Variants in ZFHX3 observed in about 807,000 individuals in gnomAD.
The protein encoded by ZFHX3 is zinc finger homeobox protein 3.
Under a neutral mutation model 279.1 loss-of-function variants are expected in ZFHX3, and 42 were observed. The observed-to-expected ratio is 0.15, with a 90% CI of 0.12 to 0.19. The LOEUF (loss-of-function observed/expected upper bound fraction) is 0.19. Ranked by LOEUF, ZFHX3 falls within the 10% of genes least tolerant of loss-of-function variation. ZFHX3 has a pLI of 1.00. For synonymous variants in ZFHX3, 2,293 were observed against 1,957.8 expected (o/e 1.17, Z -4.52); for missense variants, 4,981 against 4,754.0 (o/e 1.05, Z -1.40).
intron 8 of ZFHX3, among the ~76,000 whole-genome samples, chr16:73,083,029 A>T (rs1597150695): frequency 6.1e-5 from 1 of 16,304 alleles, no homozygotes; most frequent in Admixed American, 1.8e-3. Context: ...ACTAAAAAAA[A>T]AAAAAAAAAA....
chr16:73,165,905 T>C (rs189729739), intron 5 of ZFHX3, among the ~76,000 whole-genome samples: 51 of 152,300 alleles, frequency 3.3e-4, no homozygotes, highest in Middle Eastern at 6.8e-3. Context: ...GGGGATAATA[T>C]AGAAGAGCAC....
At chr16:73,269,195 T>C (rs2014072380) in intron 4 of ZFHX3, among the ~76,000 whole-genome samples, 1 of 152,166 alleles carries the variant, frequency 6.6e-6, no homozygotes, top group South Asian at 2.1e-4. Flanking sequence ...TTCAGGAAAA[T>C]TCTCCCCTTT....
chr16:73,457,049 G>A (rs1251346455), intron 2 of ZFHX3, among the ~76,000 whole-genome samples: 2 of 152,202 alleles, frequency 1.3e-5, no homozygotes, highest in African/African-American at 4.8e-5. Context: ...GGTTAGAAAT[G>A]GAGGTAAAAC....
chr16:73,546,929 C>T (rs766045462), intron 2 of ZFHX3, among the ~76,000 whole-genome samples: 17 of 151,894 alleles, frequency 1.1e-4, no homozygotes, highest in African/African-American at 3.9e-4. Flanking sequence ...TCATTTCAGG[C>T]CCCTCCGACC....
At chr16:73,317,059 G>A (rs1000505762) in intron 4 of ZFHX3, among the ~76,000 whole-genome samples, 1 of 152,098 alleles carries the variant, frequency 6.6e-6, no homozygotes, top group African/African-American at 2.4e-5. Context: ...AGATGGGCAG[G>A]TCTAGGGTGA....
In ZFHX3 at chr16:73,643,763, T is replaced by G. The variant is rs563663596; in HGVS notation, c.-1547+36417A>C. 3.9e-5 allele frequency among the ~76,000 whole-genome samples: 6 copies of G among 152,316 alleles called. No individual in the cohort carries two copies. The East Asian group carries it at 1.2e-3, about 29-fold the overall frequency. On this transcript the variant is annotated intron_variant, in intron 2 of 17. Transcript: ENST00000641206. ...AGTCTTTTCTCCCCACCGTATCTCTTCAGCACCTCTTTTCTCTGTAGTCCT... is the reference window on the plus strand; with the variant it reads ...AGTCTTTTCTCCCCACCGTATCTCTGCAGCACCTCTTTTCTCTGTAGTCCT...
At chr16:73,350,032 G>A (rs2016209563) in intron 3 of ZFHX3, among the ~76,000 whole-genome samples, 2 of 151,446 alleles carry the variant, frequency 1.3e-5, no homozygotes, top group African/African-American at 4.9e-5. Context: ...TGGCAAGGCA[G>A]AAGCCTTTTT....
At chr16:73,862,474 G>A (rs1375017991) in intron 1 of ZFHX3, among the ~76,000 whole-genome samples, 1 of 152,162 alleles carries the variant, frequency 6.6e-6, no homozygotes, top group Non-Finnish European at 1.5e-5. Flanking sequence ...GACCAAAGAA[G>A]TATAGAAAGA....
chr16:72,843,648 A>T (rs2037405544), intron 4 of ZFHX3, among the ~76,000 whole-genome samples: 1 of 151,876 alleles, frequency 6.6e-6, no homozygotes, highest in African/African-American at 2.4e-5. Flanking sequence ...AACAAGACAG[A>T]AGCCATGGGC....
At chr16:73,470,194 C>A (rs750123339) in intron 2 of ZFHX3, among the ~76,000 whole-genome samples, 2 of 152,180 alleles carry the variant, frequency 1.3e-5, no homozygotes, top group African/African-American at 4.8e-5. Flanking sequence ...GCGAGTTTGA[C>A]GCTTTCATTT....
chr16:73,412,298 C>T (rs921219399), intron 3 of ZFHX3, among the ~76,000 whole-genome samples: 2 of 149,780 alleles, frequency 1.3e-5, no homozygotes, highest in African/African-American at 5.0e-5. Flanking sequence ...CGGCACTCCA[C>T]CCTGGGCAAC....
intron 4 of ZFHX3, among the ~76,000 whole-genome samples, chr16:72,858,251 T>C (rs1014421805): frequency 7.2e-5 from 11 of 152,216 alleles, no homozygotes; most frequent in Non-Finnish European, 1.6e-4. Flanking sequence ...TTATGACTTA[T>C]TTATTTATTT....
intron 2 of ZFHX3, among the ~76,000 whole-genome samples, chr16:73,651,020 TAAG>T (rs919168111): frequency 1.3e-5 from 2 of 151,908 alleles, no homozygotes; most frequent in African/African-American, 2.4e-5. Context: ...ATAAACAAAA[TAAG>T]AATAAAAATT....
At chr16:73,846,856 A>G (rs528696816) in intron 1 of ZFHX3, among the ~76,000 whole-genome samples, 122 of 152,300 alleles carry the variant, frequency 8.0e-4, no homozygotes, top group African/African-American at 2.7e-3. Context: ...CACCCCCATA[A>G]AAGAGTAAAC....
At chr16:72,902,924 C>T (rs2039076950) in intron 3 of ZFHX3, among the ~76,000 whole-genome samples, 1 of 152,188 alleles carries the variant, frequency 6.6e-6, no homozygotes, top group African/African-American at 2.4e-5. Flanking sequence ...CACTCTGAGG[C>T]TGATGTCCAA....
intron 1 of ZFHX3, among the ~76,000 whole-genome samples, chr16:73,737,014 G>T (rs746599629): frequency 2.0e-5 from 3 of 152,070 alleles, no homozygotes; most frequent in Non-Finnish European, 2.9e-5. Context: ...TCTTTCTGTG[G>T]TTTTCTGTGA....
rs1174798113 is a variant in ZFHX3, at chr16:73,836,581, C to A, written c.-1608+55070G>T. The stretch of plus-strand genomic sequence containing the variant: ...TAGGCCATGAAGCAGGATCATATTG[C>A]CCCATCTACTCCAAAGAGACTGGCT... On this transcript the variant is annotated intron_variant, in intron 1 of 17. Transcript: ENST00000641206. 5.3e-5 allele frequency among the ~76,000 whole-genome samples: 8 copies of A among 152,286 alleles called. No individual in the cohort carries two copies. In the South Asian group the frequency reaches 1.7e-3, roughly 32 times the overall value.
chr16:73,868,378 G>T (rs1026549732), intron 1 of ZFHX3, among the ~76,000 whole-genome samples: 1 of 152,202 alleles, frequency 6.6e-6, no homozygotes, highest in Non-Finnish European at 1.5e-5. Flanking sequence ...AAAAAAATTA[G>T]CCGGGCCTGG....
In ZFHX3 at chr16:72,960,128, C is replaced by G; in HGVS notation, c.18G>C (p.Ser6=). MEGCD[S]PVVSGKDNGC... is the part of the protein sequence containing the mutation. ...CATTGTCCTTCCCCGAGACGACGGG[C>G]GAGTCACAGCCTTCCATGGTAAGGC... The change falls in exon 2 of 10, where the codon TCG becomes TCC. Residue 6 remains serine, a synonymous_variant. Transcript: ENST00000268489. 1 of 1,581,696 alleles carries G rather than the reference C, an allele frequency of 6.3e-7. No homozygotes were observed. The highest frequency in any genetic ancestry group is 2.2e-5 in the East Asian group (1 of 44,468).
Sources: gnomAD v4.1 joint callset for allele counts (sites outside exome capture counted in the v4.1 genomes callset) on GRCh38, gnomAD v4.1.1 for gene constraint, MANE v1.5 for transcripts, NCBI Gene and HGNC (gene_info 2026-07-23, HGNC 2026-07-21) for gene names.